Variants in STIM2 observed in about 807,000 individuals in gnomAD.
STIM2 encodes stromal interaction molecule 2.
Under a neutral mutation model 85.8 loss-of-function variants are expected in STIM2, and 31 were observed. That is an observed-to-expected ratio of 0.36 (90% CI 0.27 to 0.49). The LOEUF is 0.49. STIM2 is among the 20% of genes least tolerant of loss of function. The pLI is 0.98. For synonymous variants in STIM2, 356 were observed against 331.1 expected, an observed-to-expected ratio of 1.08 and a Z score of -0.82; for missense variants, 841 against 927.6, an observed-to-expected ratio of 0.91 and a Z score of 1.21.
chr4:26,883,011 T>TC (rs1021246418), intron 1 of STIM2, among the ~76,000 whole-genome samples: 2 of 151,030 alleles, frequency 1.3e-5, no homozygotes, highest in Non-Finnish European at 3.0e-5. Flanking sequence ...CTAATTTTTT[T>TC]TTTTTTTTTG....
Position 26,965,954 on chromosome 4 carries a change from C to T in STIM2, c.397+8228C>T, listed in dbSNP as rs186244272. Among the ~76,000 whole-genome samples, 296 of 152,250 alleles carry T rather than the reference C, an allele frequency of 1.9e-3. 6 individuals carry two copies. Among genetic ancestry groups the T allele is most frequent in the Admixed American group, 0.019 (286 of 15,282 alleles). On this transcript the variant is annotated intron_variant, in intron 3 of 11. Transcript: ENST00000467087. ...TTGAGCCTTGTTTTTTCTCACATAA[C>T]AGGTTTTCCAGTATATAATTCAACA...
rs1049845129 is a variant in STIM2 at position 26,934,959 on chromosome 4, C to G, written c.282+15325C>G. On this transcript the variant is annotated intron_variant, in intron 2 of 11. Coordinates refer to ENST00000467087, the MANE Select transcript of STIM2 (RefSeq NM_020860.4). ...AAAGAACAAAGTTCACTTATTTATA[C>G]TAGTTTAGGGAAAAAAAGCAGAGAA... is the stretch of plus-strand genomic sequence containing the variant. Among the ~76,000 whole-genome samples the G allele has an allele frequency of 3.5e-5, 5 of 143,404 alleles. No individual in the cohort carries two copies. The East Asian group carries it at 8.2e-4, about 24-fold the overall frequency. 94.1% of individuals were successfully genotyped at this position (143,404 alleles called of 152,430 possible).
chr4:26,869,444 ATTAT>A (rs778465566), intron 1 of STIM2, among the ~76,000 whole-genome samples: 21 of 152,298 alleles, frequency 1.4e-4, no homozygotes, highest in Admixed American at 2.0e-4. Flanking sequence ...AGTTTTAAAC[ATTAT>A]TTAGTGACTG....
At chr4:26,888,273 A>G (rs986719138) in intron 1 of STIM2, among the ~76,000 whole-genome samples, 13 of 152,238 alleles carry the variant, frequency 8.5e-5, no homozygotes, top group Admixed American at 2.0e-4. Flanking sequence ...ACAAAGTCAT[A>G]CTTCTGCCTA....
At chr4:26,997,567 G>A (rs949634688) in intron 4 of STIM2, among the ~76,000 whole-genome samples, 1 of 152,120 alleles carries the variant, frequency 6.6e-6, no homozygotes, top group African/African-American at 2.4e-5. Context: ...ATAAAATTTT[G>A]TTATGTATTT....
At chr4:27,013,355 T>G (rs892588653) in intron 10 of STIM2, among the ~76,000 whole-genome samples, 2 of 152,048 alleles carry the variant, frequency 1.3e-5, no homozygotes, top group Non-Finnish European at 2.9e-5. Context: ...TGTGCTTAAT[T>G]TATAAATTAA....
intron 1 of STIM2, among the ~76,000 whole-genome samples, chr4:26,873,325 G>A (rs1722697684): frequency 6.6e-6 from 1 of 152,130 alleles, no homozygotes; most frequent in Admixed American, 6.5e-5. Context: ...AACCCTGGAG[G>A]TGGAGGTTGC....
At chr4:26,986,331 T>C (rs1265381589) in intron 3 of STIM2, among the ~76,000 whole-genome samples, 1 of 152,174 alleles carries the variant, frequency 6.6e-6, no homozygotes, top group African/African-American at 2.4e-5. Flanking sequence ...AGTTAGGTTT[T>C]CCCCCACAGT....
intron 3 of STIM2, among the ~76,000 whole-genome samples, chr4:26,959,717 T>C (rs1560220358): frequency 6.6e-6 from 1 of 152,092 alleles, no homozygotes; most frequent in Non-Finnish European, 1.5e-5. Context: ...ACTTGATTTT[T>C]TTTTTTTTTA....
intron 2 of STIM2, among the ~76,000 whole-genome samples, chr4:26,939,696 A>G (rs928586719): frequency 6.6e-6 from 1 of 151,860 alleles, no homozygotes; most frequent in African/African-American, 2.4e-5. Flanking sequence ...TTTTGTTCTC[A>G]TTTTCCCTTT....
intron 3 of STIM2, among the ~76,000 whole-genome samples, chr4:26,985,596 C>A (rs887141895): frequency 2.0e-5 from 3 of 152,106 alleles, no homozygotes; most frequent in African/African-American, 7.2e-5. Flanking sequence ...TTCTTCCTGA[C>A]CCCCTTGCCA....
intron 2 of STIM2, among the ~76,000 whole-genome samples, chr4:26,939,191 T>C (rs531211000): frequency 6.6e-6 from 1 of 152,286 alleles, no homozygotes; most frequent in African/African-American, 2.4e-5. Flanking sequence ...CATCTTGGCA[T>C]GTGCTTCCTA....
intron 3 of STIM2, among the ~76,000 whole-genome samples, chr4:26,958,514 A>G (rs1328239756): frequency 6.6e-6 from 1 of 152,210 alleles, no homozygotes; most frequent in Non-Finnish European, 1.5e-5. Flanking sequence ...AGTCATTATG[A>G]TAACATTTAG....
At chr4:26,936,761 ATGGAGCATCGAAACAT>A (rs1424912441) in intron 2 of STIM2, among the ~76,000 whole-genome samples, 1 of 152,180 alleles carries the variant, frequency 6.6e-6, no homozygotes, top group Non-Finnish European at 1.5e-5. Context: ...ATTTCATAGT[ATGGAGCATCGAAACAT>A]TCAACCCAGT....
chr4:26,934,239 G>A (rs558756763), intron 2 of STIM2, among the ~76,000 whole-genome samples: 1 of 152,002 alleles, frequency 6.6e-6, no homozygotes, highest in African/African-American at 2.4e-5. Context: ...AAAAAAATGA[G>A]ATAAAATTAA....
chr4:26,917,030 T>C (rs942119069), intron 1 of STIM2, among the ~76,000 whole-genome samples: 3 of 152,192 alleles, frequency 2.0e-5, no homozygotes, highest in African/African-American at 7.2e-5. Flanking sequence ...TAACAGAATT[T>C]ATCAGAGGCT....
chr4:26,909,676 A>T (rs143589500), intron 1 of STIM2, among the ~76,000 whole-genome samples: 353 of 152,294 alleles, frequency 2.3e-3, no homozygotes, highest in African/African-American at 8.3e-3. Context: ...TATTGTGGTA[A>T]AATATACGTA....
Position 27,008,756 on chromosome 4 carries a change from T to G in STIM2, c.1251-8T>G. 2.5e-6 allele frequency: 4 copies of G among 1,613,754 alleles called. No homozygotes were observed. The highest frequency in any genetic ancestry group is 3.4e-6 in the Non-Finnish European group (4 of 1,179,728). On this transcript the variant is annotated splice_polypyrimidine_tract_variant and splice_region_variant and intron_variant, in intron 9 of 11. Coordinates refer to ENST00000467087, the MANE Select transcript of STIM2 (RefSeq NM_020860.4). ...TGCAGTAAGTAATTTCTTTATTGGCTTTTCCAGGAAAGCTCTCTCTGAGTT... is the reference window on the plus strand; with the variant it reads ...TGCAGTAAGTAATTTCTTTATTGGCGTTTCCAGGAAAGCTCTCTCTGAGTT...
intron 2 of STIM2, among the ~76,000 whole-genome samples, chr4:26,944,018 C>G (rs1725719735): frequency 6.6e-6 from 1 of 151,992 alleles, no homozygotes; most frequent in African/African-American, 2.4e-5. Context: ...GAGGATAGTT[C>G]CTAACTGTAT....
Sources: gnomAD v4.1 joint callset for allele counts (sites outside exome capture counted in the v4.1 genomes callset) on GRCh38, gnomAD v4.1.1 for gene constraint, MANE v1.5 for transcripts, NCBI Gene and HGNC (gene_info 2026-07-23, HGNC 2026-07-21) for gene names.